Variants in HECW2 observed in about 807,000 individuals in gnomAD.
HECW2 encodes the protein E3 ubiquitin-protein ligase HECW2.
Under a neutral mutation model 175.2 loss-of-function variants are expected in HECW2, and 61 were observed. That is an observed-to-expected ratio of 0.35 (90% CI 0.28 to 0.43). The LOEUF is 0.43. HECW2 is among the 20% of genes least tolerant of loss of function. The pLI, the probability that HECW2 is intolerant of heterozygous loss-of-function variation, is 1.00. For synonymous variants in HECW2, 671 were observed against 731.0 expected, an observed-to-expected ratio of 0.92 and a Z score of 1.32; for missense variants, 1,524 against 2,000.5, an observed-to-expected ratio of 0.76 and a Z score of 4.54.
intron 26 of HECW2, among the ~76,000 whole-genome samples, chr2:196,219,800 C>G (rs1290322291): frequency 6.6e-6 from 1 of 152,106 alleles, no homozygotes; most frequent in Non-Finnish European, 1.5e-5. Context: ...ATTTCCTCAC[C>G]AACAATTAAG....
At chr2:196,228,277 G>C in intron 21 of HECW2, 23 bp from the exon 22 acceptor site, 1 of 1,582,122 alleles carries the variant, frequency 6.3e-7, no homozygotes, top group Non-Finnish European at 8.6e-7. Flanking sequence ...TCCACAAAAA[G>C]AATAATCTGT....
At chr2:196,585,210 T>C (rs1281937203) in intron 1 of HECW2, among the ~76,000 whole-genome samples, 4 of 152,222 alleles carry the variant, frequency 2.6e-5, no homozygotes, top group Non-Finnish European at 5.9e-5. Flanking sequence ...TATTTATTCA[T>C]ATATGTGTGG....
chr2:196,468,920 T>C (rs1292554523), intron 1 of HECW2, among the ~76,000 whole-genome samples: 1 of 152,162 alleles, frequency 6.6e-6, no homozygotes, highest in African/African-American at 2.4e-5. Context: ...CTAGACAGCA[T>C]TTAAGTTGCA....
At chr2:196,334,605 CAG>C in intron 3 of HECW2, 87 bp from the exon 4 acceptor site, 1 of 1,016,144 alleles carries the variant, frequency 9.8e-7, no homozygotes, top group Non-Finnish European at 1.5e-6. Context: ...TACCACCTCT[CAG>C]GGAATCCTAC....
chr2:196,511,343 C>T (rs1028669516), intron 1 of HECW2, among the ~76,000 whole-genome samples: 1 of 152,166 alleles, frequency 6.6e-6, no homozygotes, highest in African/African-American at 2.4e-5. Context: ...CATTCATTTT[C>T]TAGAATCGTT....
chr2:196,204,345 T>C (rs1686989397), intron 28 of HECW2, among the ~76,000 whole-genome samples: 1 of 152,096 alleles, frequency 6.6e-6, no homozygotes, highest in Non-Finnish European at 1.5e-5. Context: ...TTTTTGTTTG[T>C]TTGTTTGTTT....
At chr2:196,329,522 C>T in intron 5 of HECW2, 53 bp downstream of exon 5, 3 of 1,435,406 alleles carry the variant, frequency 2.1e-6, no homozygotes, top group Non-Finnish European at 2.0e-6. Context: ...ACTATTCATA[C>T]CTTCGAAACT....
Position 196,339,887 on chromosome 2 carries a change from A to G in HECW2, c.400+3770T>C, listed in dbSNP as rs115767723. Among the ~76,000 whole-genome samples, 674 of 152,320 alleles carry G rather than the reference A, an allele frequency of 4.4e-3. 12 individuals carry two copies. Among genetic ancestry groups the G allele is most frequent in the African/African-American group, 0.016 (648 of 41,564 alleles). On this transcript the variant is annotated intron_variant, in intron 3 of 28. Transcript: ENST00000644978. Reference sequence around the variant, plus strand: ...CTGAGGCTCATCTACCCACATTTATACTTGGTTTTGTCCTTCAAATCCATT... The same window carrying G: ...CTGAGGCTCATCTACCCACATTTATGCTTGGTTTTGTCCTTCAAATCCATT...
chr2:196,464,627 G>A (rs1334063283), intron 1 of HECW2, among the ~76,000 whole-genome samples: 2 of 152,136 alleles, frequency 1.3e-5, no homozygotes, highest in African/African-American at 4.8e-5. Flanking sequence ...GCTCAAACCC[G>A]TAAGAATTCA....
chr2:196,336,154 C>G (rs1027080253), intron 3 of HECW2, among the ~76,000 whole-genome samples: 3 of 152,170 alleles, frequency 2.0e-5, no homozygotes, highest in African/African-American at 4.8e-5. Flanking sequence ...AGATGACCTA[C>G]GCAGGAATTC....
chr2:196,306,709 T>C (rs1691279355), intron 12 of HECW2, 97 bp from the exon 13 acceptor site: 2 of 1,219,920 alleles, frequency 1.6e-6, no homozygotes, highest in Non-Finnish European at 2.2e-6. Flanking sequence ...AATCATAGGA[T>C]ACCTACATCA....
chr2:196,323,786 T>C (rs565830602), intron 6 of HECW2, among the ~76,000 whole-genome samples: 1 of 152,320 alleles, frequency 6.6e-6, no homozygotes, highest in South Asian at 2.1e-4. Context: ...GGAAAATAGT[T>C]ACTGCTTGTT....
At chr2:196,464,565 G>A (rs1559126121) in intron 1 of HECW2, among the ~76,000 whole-genome samples, 1 of 152,016 alleles carries the variant, frequency 6.6e-6, no homozygotes, top group Non-Finnish European at 1.5e-5. Flanking sequence ...TAACTCCCAG[G>A]ATTTTACAAA....
intron 4 of HECW2, among the ~76,000 whole-genome samples, chr2:196,330,653 C>A (rs1559046476): frequency 1.3e-5 from 2 of 152,076 alleles, no homozygotes; most frequent in South Asian, 2.1e-4. Context: ...TCAGATCGAA[C>A]TCCTCATCTC....
chr2:196,466,098 C>T lies in HECW2; in HGVS notation c.-35-32640G>A, dbSNP rs1696942453. On this transcript the variant is annotated intron_variant, in intron 1 of 28. Coordinates refer to ENST00000644978, the MANE Select transcript of HECW2 (RefSeq NM_001348768.2). The stretch of plus-strand genomic sequence containing the variant: ...ATGGCTAAGAATTTTCTTTGTCACA[C>T]CTATATACCAGCAGAATCCAGTGAT... Among the ~76,000 whole-genome samples the T allele has an allele frequency of 2.0e-5, 3 of 152,164 alleles. No homozygotes were observed. In the South Asian group the frequency reaches 6.2e-4, roughly 31 times the overall value.
chr2:196,355,976 G>C (rs1249980077), intron 2 of HECW2, among the ~76,000 whole-genome samples: 1 of 152,132 alleles, frequency 6.6e-6, no homozygotes, highest in Non-Finnish European at 1.5e-5. Context: ...TTTGGGAAAA[G>C]GCGTAACACA....
chr2:196,484,207 G>A (rs966107628), intron 1 of HECW2, among the ~76,000 whole-genome samples: 9 of 152,100 alleles, frequency 5.9e-5, no homozygotes, highest in Non-Finnish European at 8.8e-5. Flanking sequence ...ATAGTGCCTG[G>A]TTCACAGTGA....
chr2:196,229,803 T>C (rs1402602258), intron 21 of HECW2, among the ~76,000 whole-genome samples: 1 of 152,254 alleles, frequency 6.6e-6, no homozygotes, highest in Non-Finnish European at 1.5e-5. Flanking sequence ...TTAATATTTT[T>C]CATTAAATCA....
chr2:196,517,898 A>G (rs1252900040), intron 1 of HECW2, among the ~76,000 whole-genome samples: 1 of 152,226 alleles, frequency 6.6e-6, no homozygotes, highest in Non-Finnish European at 1.5e-5. Context: ...CTTGGGGTTC[A>G]TAACTTCCCC....
Sources: allele counts gnomAD v4.1 joint callset (sites outside exome capture counted in the v4.1 genomes callset), GRCh38; gene constraint gnomAD v4.1.1; transcripts MANE v1.5; gene names NCBI Gene and HGNC (gene_info 2026-07-23, HGNC 2026-07-21).